PPFIBP2: variants seen among roughly 807,000 people sequenced by gnomAD.
The protein encoded by PPFIBP2 is liprin-beta-2.
A neutral mutation model predicts 118.3 loss-of-function variants in PPFIBP2; 118 were observed. That is an observed-to-expected ratio of 1.00 (90% CI 0.86 to 1.16). The LOEUF (loss-of-function observed/expected upper bound fraction) is 1.16. Among genes scored for constraint, PPFIBP2 ranks in the 50% most tolerant of loss-of-function variants. The pLI is 0.00. For missense variants in PPFIBP2, 1,195 were observed against 1,073.1 expected (o/e 1.11, Z -1.59); for synonymous variants, 414 against 397.4 (o/e 1.04, Z -0.50).
At chr11:7,647,474 C>T (rs1237263275) in intron 17 of PPFIBP2, among the ~76,000 whole-genome samples, 1 of 152,072 alleles carries the variant, frequency 6.6e-6, no homozygotes, top group African/African-American at 2.4e-5. Context: ...AATACCTCTC[C>T]CCACCCCCGC....
intron 1 of PPFIBP2, among the ~76,000 whole-genome samples, chr11:7,546,897 C>T (rs771534122): frequency 5.3e-5 from 8 of 152,198 alleles, no homozygotes; most frequent in African/African-American, 9.6e-5. Context: ...TTCATACTTC[C>T]GTCTCTTCCA....
intron 1 of PPFIBP2, among the ~76,000 whole-genome samples, chr11:7,532,929 C>A (rs1850857269): frequency 6.6e-6 from 1 of 152,212 alleles, no homozygotes; most frequent in East Asian, 1.9e-4. Context: ...AATTCTGGGG[C>A]CTATTCCTCA....
rs1178712085 is a variant in PPFIBP2, at chr11:7,629,459, G to A, written c.889G>A (p.Asp297Asn). Residue 297 changes from aspartate to asparagine, a missense_variant and splice_region_variant, in exon 10 of 24, where the codon GAC becomes AAC. By Grantham distance (23) the Asp-to-Asn change is conservative. Transcript: ENST00000299492. ...ETLLLANEDK[D>N]RRIEELTGLL... is the part of the protein sequence containing the mutation. The stretch of plus-strand genomic sequence containing the variant: ...TAAATCTCTACTTGCACTATGGCAG[G>A]ACCGTCGGATAGAGGAGCTTACGGG... 6.2e-7 allele frequency: 1 copy of A among 1,613,804 alleles called. No homozygotes were observed. The highest frequency in any genetic ancestry group is 8.5e-7 in the Non-Finnish European group (1 of 1,179,822).
downstream of PPFIBP2, among the ~76,000 whole-genome samples, chr11:7,658,292 C>A: frequency 8.8e-6 from 1 of 114,126 alleles, no homozygotes; most frequent in East Asian, 3.0e-4. Context: ...GCTATCCCTC[C>A]CCCCTCCCCC....
chr11:7,664,023 A>C, the PPFIBP2 span, among the ~76,000 whole-genome samples: 1 of 151,338 alleles, frequency 6.6e-6, no homozygotes, highest in Non-Finnish European at 1.5e-5. Flanking sequence ...CGGTGCGCGC[A>C]CCCACTGACC....
At chr11:7,534,231 C>A (rs907805765) in intron 1 of PPFIBP2, among the ~76,000 whole-genome samples, 1 of 152,152 alleles carries the variant, frequency 6.6e-6, no homozygotes, top group East Asian at 1.9e-4. Flanking sequence ...AGTCCACATC[C>A]CCAGGTGGTG....
intron 3 of PPFIBP2, among the ~76,000 whole-genome samples, chr11:7,590,145 C>T (rs185810170): frequency 5.9e-5 from 9 of 152,218 alleles, no homozygotes; most frequent in South Asian, 2.1e-4. Flanking sequence ...AGACAATCCT[C>T]TTCTTGGCCC....
intron 1 of PPFIBP2, among the ~76,000 whole-genome samples, chr11:7,544,461 G>A (rs2134471288): frequency 6.6e-6 from 1 of 152,190 alleles, no homozygotes; most frequent in Middle Eastern, 3.4e-3. Context: ...AGCTGCTGTA[G>A]CTCTCCTCTC....
intron 1 of PPFIBP2, among the ~76,000 whole-genome samples, chr11:7,516,052 C>CG (rs1160294228): frequency 6.6e-6 from 1 of 152,202 alleles, no homozygotes; most frequent in East Asian, 1.9e-4. Flanking sequence ...AGTTTGCAAA[C>CG]CTGGCTATGC....
At chr11:7,666,507 G>C in the PPFIBP2 span, 1 of 1,613,574 alleles carries the variant, frequency 6.2e-7, no homozygotes, top group South Asian at 1.1e-5. Flanking sequence ...GTGAGTCCTG[G>C]CAATTTCTTC....
At chr11:7,544,643 G>A (rs925135191) in intron 1 of PPFIBP2, among the ~76,000 whole-genome samples, 3 of 151,494 alleles carry the variant, frequency 2.0e-5, no homozygotes, top group East Asian at 2.0e-4. Flanking sequence ...GCGTGGTGGC[G>A]GGCACCTGTA....
downstream of PPFIBP2, chr11:7,656,710 G>C: frequency 3.1e-6 from 4 of 1,289,684 alleles, no homozygotes; most frequent in South Asian, 1.2e-5. Flanking sequence ...CTGACCCTTC[G>C]GCTGTGTCCT....
At chr11:7,661,273 T>C (rs1171395487), downstream of PPFIBP2, among the ~76,000 whole-genome samples, 1 of 148,376 alleles carries the variant, frequency 6.7e-6, no homozygotes, top group Middle Eastern at 3.4e-3. Context: ...CTGCTTTCTC[T>C]TGTGGGCATT....
At chr11:7,645,397 G>A (rs1172251196) in intron 17 of PPFIBP2, among the ~76,000 whole-genome samples, 2 of 152,144 alleles carry the variant, frequency 1.3e-5, no homozygotes, top group Non-Finnish European at 2.9e-5. Context: ...AATGTGCCAT[G>A]TGCTCTCCCC....
intron 2 of PPFIBP2, among the ~76,000 whole-genome samples, chr11:7,562,927 TTTTATATATATATATATATATATA>T (rs1854459497): frequency 1.2e-5 from 1 of 81,928 alleles, no homozygotes; most frequent in Non-Finnish European, 2.4e-5. Flanking sequence ...GAAATTAAAG[TTTTATATATATATATATATATATA>T]TATATATATA....
downstream of PPFIBP2, among the ~76,000 whole-genome samples, chr11:7,659,461 G>T (rs1312289736): frequency 7.5e-5 from 11 of 145,942 alleles, no homozygotes; most frequent in African/African-American, 2.8e-4. Flanking sequence ...TTGTAGATAT[G>T]TGGCGTTATT....
At chr11:7,552,397 T>C (rs1432677618) in intron 2 of PPFIBP2, among the ~76,000 whole-genome samples, 1 of 152,242 alleles carries the variant, frequency 6.6e-6, no homozygotes. Flanking sequence ...TAGTATTCTA[T>C]TTATTAAAGC....
chr11:7,532,159 T>A (rs1564943803), intron 1 of PPFIBP2, among the ~76,000 whole-genome samples: 1 of 152,218 alleles, frequency 6.6e-6, no homozygotes, highest in African/African-American at 2.4e-5. Flanking sequence ...GACTTTTAGA[T>A]GGCTGTCTTC....
At chr11:7,560,008 T>C (rs1854114592) in intron 2 of PPFIBP2, among the ~76,000 whole-genome samples, 1 of 152,228 alleles carries the variant, frequency 6.6e-6, no homozygotes, top group African/African-American at 2.4e-5. Context: ...CAGTTGAGTA[T>C]GTCCTGTTTC....
Sources: allele counts gnomAD v4.1 joint callset (sites outside exome capture counted in the v4.1 genomes callset), GRCh38; gene constraint gnomAD v4.1.1; transcripts MANE v1.5; gene names NCBI Gene and HGNC (gene_info 2026-07-23, HGNC 2026-07-21).